INO80C: variants seen among roughly 807,000 people sequenced by gnomAD.
INO80C encodes IES6 homolog.
Under a neutral mutation model 17.7 loss-of-function variants are expected in INO80C, and 17 were observed. The ratio of observed to expected loss-of-function variants is 0.96; its 90% confidence interval spans 0.66 to 1.44. The LOEUF (loss-of-function observed/expected upper bound fraction) is 1.44. Ranked by LOEUF, INO80C falls within the 40% of genes most tolerant of loss-of-function variation. The pLI is 0.00. For synonymous variants in INO80C, 96 were observed against 95.8 expected, an observed-to-expected ratio of 1.00 and a Z score of -0.01; for missense variants, 244 against 245.0, an observed-to-expected ratio of 1.00 and a Z score of 0.03.
chr18:35,486,811 AT>A (rs1244437279), intron 1 of INO80C, among the ~76,000 whole-genome samples: 19 of 149,244 alleles, frequency 1.3e-4, no homozygotes, highest in Non-Finnish European at 2.2e-4. Context: ...AAAAAAAAAA[AT>A]TTTAATAGGA....
intron 1 of INO80C, chr18:35,497,365 A>G (rs1598755210): frequency 9.5e-7 from 1 of 1,056,066 alleles, no homozygotes; most frequent in East Asian, 8.9e-5. Context: ...CACTGGGTAG[A>G]TGTCTGCAGA....
chr18:35,474,816 A>G (rs1173315505), intron 4 of INO80C, among the ~76,000 whole-genome samples: 1 of 152,200 alleles, frequency 6.6e-6, no homozygotes, highest in Non-Finnish European at 1.5e-5. Context: ...GCTCATTGGT[A>G]TACTCTATAC....
Position 35,497,822 on chromosome 18 carries a change from C to T in INO80C, c.53G>A (p.Arg18Gln), listed in dbSNP as rs1161649748. Residue 18 changes from arginine to glutamine, a missense_variant, in exon 1 of 5, where the codon CGG (arginine) becomes CAG (glutamine). Transcript: ENST00000334598. ...GCTGGCCGGCCTCTTCTTGCTGTTC[C>T]GGACTATTCCGGGAGTGGAAGTGGT... is the stretch of plus-strand genomic sequence containing the variant. ...VATTSTPGIV[R>Q]NSKKRPASPS... The T allele has an allele frequency of 6.2e-7, 1 of 1,610,172 alleles. No homozygotes were observed. The highest frequency in any genetic ancestry group is 8.5e-7 in the Non-Finnish European group (1 of 1,178,046).
rs2045776564 is a variant in INO80C at position 35,479,293 on chromosome 18, A to C, written c.379+7T>G. ...TACAAACACATGGAAGGCTCTAGAC[A>C]GCTCACAGTTAGGATCGTTCAGTTG... On this transcript the variant is annotated splice_region_variant and intron_variant, in intron 3 of 4. Transcript: ENST00000334598. 6.4e-7 allele frequency: 1 copy of C among 1,566,808 alleles called. No homozygotes were observed. Among genetic ancestry groups the C allele is most frequent in the African/African-American group, 1.4e-5 (1 of 73,940 alleles).
At chr18:35,469,514 G>A (rs1279691553) in intron 4 of INO80C, among the ~76,000 whole-genome samples, 1 of 151,922 alleles carries the variant, frequency 6.6e-6, no homozygotes, top group East Asian at 1.9e-4. Context: ...CCTTTCCTTG[G>A]CAGGGGACCC....
rs188599283 is a variant in INO80C, at chr18:35,468,855, T to A, written c.448-113A>T. The A allele has an allele frequency of 3.3e-6, 3 of 909,752 alleles. No individual in the cohort carries two copies. The East Asian group carries it at 7.9e-5, about 24-fold the overall frequency. The allele number at this position is 909,752 out of a possible 1,614,324, so 56.4% of individuals were successfully genotyped here. Reference sequence around the variant, plus strand: ...CTGAAAGTGATATATATTTTCATTATGTCTTACTCTGCCACCAAGAACACT... The same window carrying A: ...CTGAAAGTGATATATATTTTCATTAAGTCTTACTCTGCCACCAAGAACACT... On this transcript the variant is annotated intron_variant, in intron 4 of 4. Transcript: ENST00000334598.
chr18:35,494,707 C>T (rs774005681), intron 1 of INO80C, among the ~76,000 whole-genome samples: 1 of 152,232 alleles, frequency 6.6e-6, no homozygotes, highest in Non-Finnish European at 1.5e-5. Flanking sequence ...TTGATTTCAG[C>T]TTTGTGATAC....
intron 4 of INO80C, among the ~76,000 whole-genome samples, chr18:35,471,420 T>C (rs578067772): frequency 1.3e-5 from 2 of 152,324 alleles, no homozygotes; most frequent in Non-Finnish European, 2.9e-5. Context: ...GCTGTTTATA[T>C]TGCTTTGCAT....
intron 4 of INO80C, among the ~76,000 whole-genome samples, chr18:35,473,103 A>C (rs2045690062): frequency 6.6e-6 from 1 of 152,234 alleles, no homozygotes; most frequent in African/African-American, 2.4e-5. Context: ...TGCCTGAAAC[A>C]ATAAGGATAA....
intron 2 of INO80C, among the ~76,000 whole-genome samples, chr18:35,479,679 A>G (rs1185012216): frequency 6.6e-6 from 1 of 152,136 alleles, no homozygotes; most frequent in East Asian, 1.9e-4. Flanking sequence ...TGCACGTAAA[A>G]AAAAAAGCCT....
chr18:35,475,733 T>C (rs1314442470), intron 4 of INO80C, among the ~76,000 whole-genome samples: 2 of 151,946 alleles, frequency 1.3e-5, no homozygotes, highest in South Asian at 2.1e-4. Flanking sequence ...AGAAAGGACT[T>C]CGTTAGTAGC....
At chr18:35,473,414 T>A (rs1301839240) in intron 4 of INO80C, among the ~76,000 whole-genome samples, 1 of 152,122 alleles carries the variant, frequency 6.6e-6, no homozygotes, top group Non-Finnish European at 1.5e-5. Flanking sequence ...GGGGCAGAGG[T>A]GGAGCTCACG....
At position 35,495,996 on chromosome 18, in the gene INO80C, A is replaced by G. The variant is rs934502030; in HGVS notation, c.156+1723T>C. On this transcript the variant is annotated intron_variant, in intron 1 of 4. Coordinates refer to ENST00000334598, the MANE Select transcript of INO80C (RefSeq NM_194281.4). ...AATGGCTAAAAGTTAAAGACTGACAATGAAAGACTGACAATACTCTGTATT... is the reference window on the plus strand; with the variant it reads ...AATGGCTAAAAGTTAAAGACTGACAGTGAAAGACTGACAATACTCTGTATT... 1.1e-4 allele frequency among the ~76,000 whole-genome samples: 17 copies of G among 152,202 alleles called. 1 individual carries two copies. Among genetic ancestry groups the G allele is most frequent in the South Asian group, 2.1e-4 (1 of 4,824 alleles).
intron 1 of INO80C, among the ~76,000 whole-genome samples, chr18:35,480,804 T>TAA (rs2045798059): frequency 6.6e-6 from 1 of 152,184 alleles, no homozygotes; most frequent in African/African-American, 2.4e-5. Context: ...CCGGGTACCC[T>TAA]AAGTGCCAAG....
At chr18:35,470,579 C>T (rs2901710) in intron 4 of INO80C, among the ~76,000 whole-genome samples, 4 of 152,148 alleles carry the variant, frequency 2.6e-5, no homozygotes, top group African/African-American at 7.2e-5. Context: ...CCTCCATAGA[C>T]GAACCAGCCT....
intron 1 of INO80C, among the ~76,000 whole-genome samples, chr18:35,490,456 G>A (rs545711993): frequency 1.3e-5 from 2 of 152,326 alleles, no homozygotes; most frequent in South Asian, 4.1e-4. Context: ...AACAGGCTAT[G>A]AAAGAGATTT....
chr18:35,481,036 T>C (rs1315285374), intron 1 of INO80C, among the ~76,000 whole-genome samples: 1 of 152,224 alleles, frequency 6.6e-6, no homozygotes, highest in Non-Finnish European at 1.5e-5. Context: ...ACTGATCTTA[T>C]GAACTCTGTC....
rs758717266 is a variant in INO80C at position 35,479,424 on chromosome 18, G to A, written c.268-13C>T. ...CGTGGCCAGAGTGCTTGAATTGAAG[G>A]CATGGATTAGAAGAAACAAAAACCA... On this transcript the variant is annotated splice_polypyrimidine_tract_variant and intron_variant, in intron 2 of 4. Transcript: ENST00000334598. 1.4e-5 allele frequency: 22 copies of A among 1,571,190 alleles called. No homozygotes were observed. The Admixed American group carries it at 3.5e-4, about 25-fold the overall frequency.
chr18:35,478,585 C>G (rs939313150), intron 3 of INO80C, among the ~76,000 whole-genome samples: 1 of 152,002 alleles, frequency 6.6e-6, no homozygotes, highest in Admixed American at 6.6e-5. Flanking sequence ...CACCAGGGAC[C>G]CTCTATTCCC....
Sources: allele counts gnomAD v4.1 joint callset (sites outside exome capture counted in the v4.1 genomes callset), GRCh38; gene constraint gnomAD v4.1.1; transcripts MANE v1.5; gene names NCBI Gene and HGNC (gene_info 2026-07-23, HGNC 2026-07-21).